Variants in RALGDS observed in about 807,000 individuals in gnomAD.
RALGDS encodes ral guanine nucleotide exchange factor.
A neutral mutation model predicts 99.8 loss-of-function variants in RALGDS; 44 were observed. The observed-to-expected ratio is 0.44, with a 90% CI of 0.35 to 0.57. RALGDS has a LOEUF of 0.57. Ranked by LOEUF, RALGDS falls within the 20% of genes least tolerant of loss-of-function variation. The pLI is 0.01. For missense variants in RALGDS, 1,022 were observed against 1,203.1 expected (o/e 0.85, Z 2.23); for synonymous variants, 529 against 505.0 (o/e 1.05, Z -0.64).
intron 1 of RALGDS, among the ~76,000 whole-genome samples, chr9:133,143,786 C>CAACAATAATAATAAT (rs1398814466): frequency 8.0e-6 from 1 of 125,546 alleles, no homozygotes; most frequent in African/African-American, 3.4e-5. Context: ...ACAACAACAA[C>CAACAATAATAATAAT]AATAATAATA....
intron 1 of RALGDS, among the ~76,000 whole-genome samples, chr9:133,142,409 G>A (rs887795135): frequency 5.3e-5 from 8 of 152,162 alleles, no homozygotes; most frequent in African/African-American, 1.9e-4. Context: ...AAGCCCATCG[G>A]AAAGCCCCAG....
At chr9:133,148,247 G>A (rs1832657507) in intron 1 of RALGDS, among the ~76,000 whole-genome samples, 2 of 152,200 alleles carry the variant, frequency 1.3e-5, no homozygotes, top group Non-Finnish European at 2.9e-5. Context: ...CTTTCCTACA[G>A]CCCCGTCCAC....
chr9:133,102,686 G>A (rs1029789877), intron 13 of RALGDS, 93 bp downstream of exon 13: 22 of 1,604,036 alleles, frequency 1.4e-5, no homozygotes, highest in Middle Eastern at 3.4e-4. Flanking sequence ...AACAGGGGCT[G>A]AGGCTGACCA....
intron 1 of RALGDS, among the ~76,000 whole-genome samples, chr9:133,143,395 G>A (rs919346783): frequency 3.9e-5 from 6 of 152,210 alleles, no homozygotes; most frequent in African/African-American, 1.4e-4. Flanking sequence ...CTCAGGGGCG[G>A]GCCTGGTAGC....
intron 1 of RALGDS, among the ~76,000 whole-genome samples, chr9:133,142,624 C>A (rs1832541939): frequency 6.6e-6 from 1 of 152,148 alleles, no homozygotes; most frequent in Admixed American, 6.5e-5. Flanking sequence ...AAGCTCACAC[C>A]CCACCCCTAT....
At chr9:133,142,920 C>T (rs1832548659) in intron 1 of RALGDS, among the ~76,000 whole-genome samples, 1 of 152,230 alleles carries the variant, frequency 6.6e-6, no homozygotes, top group African/African-American at 2.4e-5. Flanking sequence ...CTTGTGTGCA[C>T]ACGGGGAGGC....
At chr9:133,143,469 C>T (rs1832557923) in intron 1 of RALGDS, among the ~76,000 whole-genome samples, 1 of 152,102 alleles carries the variant, frequency 6.6e-6, no homozygotes, top group African/African-American at 2.4e-5. Flanking sequence ...AAGAAATGGC[C>T]TCTTGCTGGA....
At chr9:133,137,407 G>T (rs1466395658) in intron 1 of RALGDS, among the ~76,000 whole-genome samples, 1 of 152,238 alleles carries the variant, frequency 6.6e-6, no homozygotes, top group Non-Finnish European at 1.5e-5. Context: ...GAGCTCGATG[G>T]GCCAGACTCT....
chr9:133,105,069 C>T (rs1038038425), intron 9 of RALGDS, among the ~76,000 whole-genome samples: 1 of 152,200 alleles, frequency 6.6e-6, no homozygotes, highest in African/African-American at 2.4e-5. Flanking sequence ...CCCGTTTGGT[C>T]ACTGATCAGG....
At chr9:133,137,950 T>G (rs1310926222) in intron 1 of RALGDS, among the ~76,000 whole-genome samples, 3 of 152,214 alleles carry the variant, frequency 2.0e-5, no homozygotes, top group African/African-American at 7.2e-5. Context: ...CAGCAGGCCC[T>G]GGTCGCCCAG....
chr9:133,126,040 C>T (rs1212323351), upstream of RALGDS, among the ~76,000 whole-genome samples: 2 of 152,178 alleles, frequency 1.3e-5, no homozygotes, highest in Non-Finnish European at 2.9e-5. Flanking sequence ...GTTTGACACT[C>T]AAGGCCAATG....
chr9:133,116,436 T>C (rs1831612512), intron 1 of RALGDS, among the ~76,000 whole-genome samples: 1 of 152,238 alleles, frequency 6.6e-6, no homozygotes. Flanking sequence ...CCTGCCGGCC[T>C]GTGCCCTGCT....
In RALGDS at chr9:133,102,524, T is replaced by C; in HGVS notation, c.1961A>G (p.Asn654Ser). The C allele has an allele frequency of 6.2e-7, 1 of 1,614,108 alleles. No homozygotes were observed. The highest frequency in any genetic ancestry group is 8.5e-7 in the Non-Finnish European group (1 of 1,180,024). ...ELEPPSESAS[N>S]TLRTKKNTAI... ...TGTGTTCTTCTTGGTCCTGAGGGTG[T>C]TGCTGGCTGACTCGGATGGGGGCTC... The change falls in exon 14 of 18, where the codon AAC (asparagine) becomes AGC (serine). Residue 654 changes from asparagine (N) to serine (S), a missense_variant. Transcript: ENST00000372050.
intron 1 of RALGDS, among the ~76,000 whole-genome samples, chr9:133,114,242 CG>C (rs34610493): frequency 6.6e-6 from 1 of 152,160 alleles, no homozygotes; most frequent in Non-Finnish European, 1.5e-5. Flanking sequence ...GTCACACAGT[CG>C]GGGAGACGCT....
chr9:133,128,712 T>C (rs919183962), intron 1 of RALGDS, among the ~76,000 whole-genome samples: 5 of 152,162 alleles, frequency 3.3e-5, no homozygotes, highest in African/African-American at 1.2e-4. Flanking sequence ...TAGCCTTAGT[T>C]TCACCTCCTG....
chr9:133,116,843 C>T (rs1021502445), intron 1 of RALGDS, among the ~76,000 whole-genome samples: 24 of 152,262 alleles, frequency 1.6e-4, no homozygotes, highest in African/African-American at 5.3e-4. Context: ...TGTTGGGACC[C>T]ACCCAGGCCT....
chr9:133,107,440 A>T, intron 6 of RALGDS, 140 bp from the exon 7 acceptor site: 1 of 803,062 alleles, frequency 1.2e-6, no homozygotes, highest in Non-Finnish European at 2.1e-6. Context: ...CACACAAGTG[A>T]CCCGGGACAG....
chr9:133,106,866 A>C, intron 7 of RALGDS, 118 bp from the exon 8 acceptor site: 1 of 949,242 alleles, frequency 1.1e-6, no homozygotes, highest in Non-Finnish European at 1.7e-6. Flanking sequence ...GAGTCCCCAG[A>C]GGGCACGCCT....
intron 1 of RALGDS, chr9:133,130,876 C>T: frequency 1.5e-6 from 2 of 1,373,906 alleles, no homozygotes; most frequent in South Asian, 1.3e-5. Context: ...GGGGCCAGAA[C>T]ACTCAGAGCC....
Sources: gnomAD v4.1 joint callset for allele counts (sites outside exome capture counted in the v4.1 genomes callset) on GRCh38, gnomAD v4.1.1 for gene constraint, MANE v1.5 for transcripts, NCBI Gene and HGNC (gene_info 2026-07-23, HGNC 2026-07-21) for gene names.